RBM47: variants seen among roughly 807,000 people sequenced by gnomAD.
The protein encoded by RBM47 is RNA-binding protein 47.
RBM47 carries 21 observed loss-of-function variants against 47.1 expected under a neutral mutation model. That is an observed-to-expected ratio of 0.45 (90% CI 0.32 to 0.64). The LOEUF is 0.64. Ranked by LOEUF, RBM47 falls within the 30% of genes least tolerant of loss-of-function variation. The pLI is 0.05. For missense variants in RBM47, 708 were observed against 870.9 expected, an observed-to-expected ratio of 0.81 and a Z score of 2.35; for synonymous variants, 375 against 361.7, an observed-to-expected ratio of 1.04 and a Z score of -0.42.
chr4:40,529,617 C>G (rs372334714), intron 2 of RBM47, among the ~76,000 whole-genome samples: 16 of 149,570 alleles, frequency 1.1e-4, no homozygotes, highest in East Asian at 9.9e-4. Flanking sequence ...GCAGATCACC[C>G]GAAGAGCTCG....
chr4:40,439,198 T>C (rs909403292), intron 3 of RBM47, among the ~76,000 whole-genome samples: 2 of 152,184 alleles, frequency 1.3e-5, no homozygotes, highest in East Asian at 1.9e-4. Flanking sequence ...CCCGACAGCT[T>C]TGAAGTTTTG....
chr4:40,529,878 ATT>A (rs1727206131), intron 2 of RBM47, among the ~76,000 whole-genome samples: 1 of 149,090 alleles, frequency 6.7e-6, no homozygotes, highest in Non-Finnish European at 1.5e-5. Flanking sequence ...ATAAATAAAT[ATT>A]AAAATAAAAG....
intron 2 of RBM47, among the ~76,000 whole-genome samples, chr4:40,471,970 C>G (rs1238208746): frequency 2.0e-4 from 30 of 152,124 alleles, no homozygotes; most frequent in Admixed American, 2.0e-3. Flanking sequence ...GATATGCTCC[C>G]CCAACATCAT....
At chr4:40,443,228 T>C (rs1350294725) in intron 3 of RBM47, among the ~76,000 whole-genome samples, 1 of 152,022 alleles carries the variant, frequency 6.6e-6, no homozygotes, top group Non-Finnish European at 1.5e-5. Flanking sequence ...GGTCTGGAGA[T>C]GGATGGTGGT....
At chr4:40,605,134 T>C (rs113639853) in intron 1 of RBM47, among the ~76,000 whole-genome samples, 16,495 of 151,908 alleles carry the variant, frequency 0.11, 973 homozygotes, top group South Asian at 0.12. Flanking sequence ...GCAATTCTCC[T>C]GCCTCAGGCC....
At chr4:40,532,911 T>C (rs1193628151) in intron 2 of RBM47, among the ~76,000 whole-genome samples, 1 of 151,950 alleles carries the variant, frequency 6.6e-6, no homozygotes, top group Non-Finnish European at 1.5e-5. Flanking sequence ...ATTTTAGGGG[T>C]AGAGTAATTA....
At chr4:40,486,429 A>C (rs963228428) in intron 2 of RBM47, among the ~76,000 whole-genome samples, 2 of 152,194 alleles carry the variant, frequency 1.3e-5, no homozygotes, top group Non-Finnish European at 2.9e-5. Flanking sequence ...AAATAGTTCA[A>C]CTCTATTCAA....
intron 1 of RBM47, among the ~76,000 whole-genome samples, chr4:40,550,392 T>C (rs1460669135): frequency 6.6e-6 from 1 of 152,126 alleles, no homozygotes; most frequent in Non-Finnish European, 1.5e-5. Flanking sequence ...GTGTTAAAAG[T>C]CACCACTGAA....
intron 1 of RBM47, among the ~76,000 whole-genome samples, chr4:40,583,444 C>T (rs1394265777): frequency 6.7e-6 from 1 of 149,524 alleles, no homozygotes; most frequent in Non-Finnish European, 1.5e-5. Context: ...AGGTGATGCA[C>T]GCCTGTAGTC....
chr4:40,613,402 T>C (rs1302576258), intron 1 of RBM47, among the ~76,000 whole-genome samples: 3 of 152,170 alleles, frequency 2.0e-5, no homozygotes. Flanking sequence ...ATTAGTAGCC[T>C]CGAAAGAAAA....
chr4:40,538,046 T>C, intron 2 of RBM47, among the ~76,000 whole-genome samples: 1 of 151,876 alleles, frequency 6.6e-6, no homozygotes, highest in East Asian at 1.9e-4. Context: ...GTCTGCATCA[T>C]AGTGGTAATT....
rs879683819 is a variant in RBM47, at chr4:40,629,828, T to TG, written c.-673dup. ...AGAGCGGCGCCGCGTCCCGGCTGCG[T>TG]GGGGCGCTGCGCACGGGAGCGCTCA... is the stretch of plus-strand genomic sequence containing the variant. On this transcript the variant is annotated 5_prime_UTR_variant, in exon 1 of 7. Coordinates refer to ENST00000295971, the MANE Select transcript of RBM47 (RefSeq NM_001098634.2). 6.6e-6 allele frequency: 1 copy of TG among 152,174 alleles called. No individual in the cohort carries two copies. Among genetic ancestry groups the TG allele is most frequent in the Non-Finnish European group, 1.5e-5 (1 of 68,014 alleles). The allele number at this position is 152,174 out of a possible 1,614,324, so 9.4% of individuals were successfully genotyped here.
intron 4 of RBM47, among the ~76,000 whole-genome samples, chr4:40,437,171 T>TACATATATATATAA (rs1553877846): frequency 0.034 from 3,075 of 90,742 alleles, 125 homozygotes; most frequent in Middle Eastern, 0.06. Flanking sequence ...TATATATATA[T>TACATATATATATAA]AATACATATA....
chr4:40,621,920 G>A lies in RBM47; in HGVS notation c.-240+7476C>T, dbSNP rs557054250. ...CCTCCATCAAGGACTTGTGGTGGCA[G>A]AGAAAATAAACCACAGAAAACATGG... On this transcript the variant is annotated intron_variant, in intron 1 of 6. Transcript: ENST00000295971. Among the ~76,000 whole-genome samples the A allele has an allele frequency of 1.8e-4, 27 of 152,350 alleles. No individual in the cohort carries two copies. The South Asian group carries it at 5.4e-3, about 30-fold the overall frequency.
intron 1 of RBM47, among the ~76,000 whole-genome samples, chr4:40,616,874 CTTTTTTT>C (rs1300005872): frequency 1.8e-5 from 2 of 111,668 alleles, no homozygotes; most frequent in African/African-American, 3.7e-5. Context: ...ATTTTCTTTT[CTTTTTTT>C]TTTTTTTTTT....
At chr4:40,592,751 G>T (rs1734279060) in intron 1 of RBM47, among the ~76,000 whole-genome samples, 1 of 149,946 alleles carries the variant, frequency 6.7e-6, no homozygotes, top group Admixed American at 6.7e-5. Context: ...TAGAGACAGG[G>T]CCTCGCTATG....
chr4:40,464,002 C>T (rs2154230211), intron 3 of RBM47, among the ~76,000 whole-genome samples: 1 of 152,032 alleles, frequency 6.6e-6, no homozygotes, highest in East Asian at 1.9e-4. Flanking sequence ...TCTCATTAGC[C>T]CAATGATTCC....
At chr4:40,568,710 TAGA>T (rs1159964858) in intron 1 of RBM47, among the ~76,000 whole-genome samples, 3 of 151,770 alleles carry the variant, frequency 2.0e-5, no homozygotes, top group African/African-American at 7.3e-5. Context: ...TAAAACACAG[TAGA>T]AGGTCTTAAT....
intron 2 of RBM47, among the ~76,000 whole-genome samples, chr4:40,492,371 A>G (rs907341185): frequency 1.3e-5 from 2 of 152,146 alleles, no homozygotes; most frequent in Non-Finnish European, 2.9e-5. Flanking sequence ...TCCAAAAAAA[A>G]GTAAAGAAAA....
Sources: gnomAD v4.1 joint callset for allele counts (sites outside exome capture counted in the v4.1 genomes callset) on GRCh38, gnomAD v4.1.1 for gene constraint, MANE v1.5 for transcripts, NCBI Gene and HGNC (gene_info 2026-07-23, HGNC 2026-07-21) for gene names.